Variants in DDX10 observed in about 807,000 individuals in gnomAD.
DDX10 encodes probable ATP-dependent RNA helicase DDX10.
Under a neutral mutation model 104.3 loss-of-function variants are expected in DDX10, and 74 were observed. That is an observed-to-expected ratio of 0.71 (90% confidence interval 0.59 to 0.86). The LOEUF is 0.86. DDX10 is among the 40% of genes least tolerant of loss of function. The probability of loss-of-function intolerance (pLI) is 0.00; values close to 1 mark genes in which losing one functional copy is unlikely to be tolerated. For synonymous variants in DDX10, 351 were observed against 353.4 expected (o/e 0.99, Z 0.08); for missense variants, 952 against 1,040.0 (o/e 0.92, Z 1.16).
intron 13 of DDX10, among the ~76,000 whole-genome samples, chr11:108,825,751 T>A (rs1300348202): frequency 6.6e-6 from 1 of 152,224 alleles, no homozygotes; most frequent in Non-Finnish European, 1.5e-5. Flanking sequence ...GATTACAATT[T>A]ATAAACTACA....
At chr11:108,776,345 A>T (rs1355242296) in intron 13 of DDX10, among the ~76,000 whole-genome samples, 2 of 152,182 alleles carry the variant, frequency 1.3e-5, no homozygotes. Context: ...AGGATTATAC[A>T]GATATCTGAG....
At chr11:108,827,917 G>A (rs1470689030) in intron 13 of DDX10, among the ~76,000 whole-genome samples, 1 of 152,030 alleles carries the variant, frequency 6.6e-6, no homozygotes, top group African/African-American at 2.4e-5. Flanking sequence ...TTTATTTGTG[G>A]TAGAAGACAC....
At chr11:108,854,125 G>A (rs1028176875) in intron 16 of DDX10, among the ~76,000 whole-genome samples, 2 of 152,304 alleles carry the variant, frequency 1.3e-5, no homozygotes, top group African/African-American at 4.8e-5. Context: ...GGTTCAGGCT[G>A]ACTGACAGAG....
intron 16 of DDX10, among the ~76,000 whole-genome samples, chr11:108,886,593 G>C (rs914768019): frequency 1.3e-5 from 2 of 152,150 alleles, no homozygotes; most frequent in African/African-American, 4.8e-5. Context: ...AATGCTGCCT[G>C]TATCATTGCT....
chr11:108,754,075 T>C (rs1244211083), intron 13 of DDX10, among the ~76,000 whole-genome samples: 1 of 152,098 alleles, frequency 6.6e-6, no homozygotes, highest in Admixed American at 6.6e-5. Flanking sequence ...TTCTAACAGT[T>C]TTGATGCTGA....
chr11:108,724,198 A>C (rs1317900704), intron 13 of DDX10, among the ~76,000 whole-genome samples: 1 of 152,108 alleles, frequency 6.6e-6, no homozygotes, highest in African/African-American at 2.4e-5. Flanking sequence ...ACAATGTTGA[A>C]TAAAATTTCA....
At chr11:108,769,590 G>A (rs1223560800) in intron 13 of DDX10, among the ~76,000 whole-genome samples, 4 of 152,098 alleles carry the variant, frequency 2.6e-5, no homozygotes, top group Admixed American at 2.6e-4. Flanking sequence ...TGTGTTTTGT[G>A]TGTGTTGATT....
At chr11:108,805,980 A>T (rs940518319) in intron 13 of DDX10, among the ~76,000 whole-genome samples, 3 of 151,642 alleles carry the variant, frequency 2.0e-5, no homozygotes, top group Non-Finnish European at 2.9e-5. Flanking sequence ...ATTTTTTTTG[A>T]GATGGAGTTT....
intron 16 of DDX10, among the ~76,000 whole-genome samples, chr11:108,864,091 A>C (rs938058194): frequency 6.6e-6 from 1 of 152,180 alleles, no homozygotes; most frequent in Non-Finnish European, 1.5e-5. Context: ...GTTCTTGTGA[A>C]GATAATACAT....
intron 9 of DDX10, among the ~76,000 whole-genome samples, chr11:108,696,307 G>A (rs536488502): frequency 7.2e-5 from 11 of 152,222 alleles, no homozygotes; most frequent in African/African-American, 2.6e-4. Context: ...CTCCCAAGTA[G>A]CTGGGACTAT....
chr11:108,789,179 A>T (rs912519992), intron 13 of DDX10, among the ~76,000 whole-genome samples: 3 of 152,186 alleles, frequency 2.0e-5, no homozygotes, highest in African/African-American at 4.8e-5. Flanking sequence ...TAAATCAGGT[A>T]CTTCCTGTTC....
intron 9 of DDX10, among the ~76,000 whole-genome samples, chr11:108,703,390 CGCGATCTCTGCTCACT>C (rs1565252370): frequency 6.6e-6 from 1 of 151,750 alleles, no homozygotes; most frequent in Non-Finnish European, 1.5e-5. Flanking sequence ...AGTGCAGTGG[CGCGATCTCTGCTCACT>C]GCAACCTCTG....
intron 16 of DDX10, among the ~76,000 whole-genome samples, chr11:108,876,505 G>C (rs1420540089): frequency 6.6e-6 from 1 of 152,114 alleles, no homozygotes; most frequent in African/African-American, 2.4e-5. Flanking sequence ...TAATTAATTT[G>C]GCTCAGAAAA....
At position 108,840,898 on chromosome 11, in the gene DDX10, G is replaced by A. The variant is rs542884373; in HGVS notation, c.2086-417G>A. 7.2e-5 allele frequency among the ~76,000 whole-genome samples: 11 copies of A among 152,292 alleles called. No homozygotes were observed. In the South Asian group the frequency reaches 2.3e-3, roughly 32 times the overall value. ...AACAACGCAGTGCAATGAACTTTGT[G>A]TGACAGTAACACACTGGGTACCATG... On this transcript the variant is annotated intron_variant, in intron 14 of 17. Transcript: ENST00000322536.
At chr11:108,910,141 A>G (rs963757017) in intron 16 of DDX10, among the ~76,000 whole-genome samples, 1 of 152,092 alleles carries the variant, frequency 6.6e-6, no homozygotes, top group South Asian at 2.1e-4. Flanking sequence ...CATGTAAGGT[A>G]TCATAGGAAA....
At chr11:108,879,816 C>T (rs1863202974) in intron 16 of DDX10, among the ~76,000 whole-genome samples, 1 of 152,076 alleles carries the variant, frequency 6.6e-6, no homozygotes, top group African/African-American at 2.4e-5. Context: ...CTTCTTTAAA[C>T]AAGCCTTGTC....
At chr11:108,894,812 G>A (rs1004962104) in intron 16 of DDX10, among the ~76,000 whole-genome samples, 1 of 151,900 alleles carries the variant, frequency 6.6e-6, no homozygotes, top group African/African-American at 2.4e-5. Flanking sequence ...AATTTTGAGG[G>A]CACTCGGGCA....
chr11:108,810,482 G>A (rs1007072224), intron 13 of DDX10, among the ~76,000 whole-genome samples: 1 of 151,880 alleles, frequency 6.6e-6, no homozygotes, highest in Non-Finnish European at 1.5e-5. Flanking sequence ...GGAGGACTAG[G>A]GTGTGTGTGT....
intron 13 of DDX10, among the ~76,000 whole-genome samples, chr11:108,738,475 G>C (rs1188013138): frequency 6.6e-6 from 1 of 151,982 alleles, no homozygotes; most frequent in African/African-American, 2.4e-5. Context: ...TTCCTAAAAA[G>C]GAGGGAAGAA....
Sources: allele counts gnomAD v4.1 joint callset (sites outside exome capture counted in the v4.1 genomes callset), GRCh38; gene constraint gnomAD v4.1.1; transcripts MANE v1.5; gene names NCBI Gene and HGNC (gene_info 2026-07-23, HGNC 2026-07-21).